The following BMPR2 variants were observed in gnomAD, a reference collection of about 807,000 sequenced individuals.
BMPR2 encodes bone morphogenetic protein receptor type 2, also known as bone morphogenetic protein receptor type-2.
BMPR2 carries 29 observed loss-of-function variants against 100.8 expected under a neutral mutation model. The ratio of observed to expected loss-of-function variants is 0.29; its 90% CI spans 0.21 to 0.39. The LOEUF is 0.39. Among genes scored for constraint, BMPR2 ranks in the 10% least tolerant of loss-of-function variants. The pLI is 1.00. For missense variants in BMPR2, 1,011 were observed against 1,274.5 expected (o/e 0.79, Z 3.15); for synonymous variants, 382 against 442.3 (o/e 0.86, Z 1.71).
At position 202,556,089 on chromosome 2, in the gene BMPR2, T is replaced by G; in HGVS notation, c.2424T>G (p.Gly808=). 6.2e-7 allele frequency: 1 copy of G among 1,614,164 alleles called. No individual in the cohort carries two copies. The highest frequency in any genetic ancestry group is 8.5e-7 in the Non-Finnish European group (1 of 1,180,046). ...ATGTGGTGACAGTCACCATGAATGG[T>G]GTGGCAGGTAGAAACCACAGTGTTA... The part of the protein sequence containing the change: ...EPHVVTVTMN[G]VAGRNHSVNS... Residue 808 remains glycine (G), a synonymous_variant, in exon 12 of 13, where the codon GGT becomes GGG. Transcript: ENST00000374580.
intron 3 of BMPR2, 108 bp downstream of exon 3, chr2:202,467,797 G>T: frequency 1.7e-6 from 2 of 1,144,946 alleles, no homozygotes; most frequent in East Asian, 2.5e-5. Context: ...GATGGCTCAT[G>T]CCTGTAATGC....
At chr2:202,504,446 C>T (rs1262133434) in intron 3 of BMPR2, among the ~76,000 whole-genome samples, 1 of 152,054 alleles carries the variant, frequency 6.6e-6, no homozygotes, top group Admixed American at 6.6e-5. Context: ...AGCTTCACTC[C>T]TGAGCCAGCG....
intron 7 of BMPR2, among the ~76,000 whole-genome samples, chr2:202,521,878 G>A (rs1687824564): frequency 6.6e-6 from 1 of 152,164 alleles, no homozygotes; most frequent in East Asian, 1.9e-4. Context: ...AACTTTGGCT[G>A]GCATGGTGAC....
chr2:202,491,022 C>T (rs937073849), intron 3 of BMPR2, among the ~76,000 whole-genome samples: 1 of 151,972 alleles, frequency 6.6e-6, no homozygotes, highest in African/African-American at 2.4e-5. Flanking sequence ...CCTCAGCTTC[C>T]CAGGTTCAAT....
intron 1 of BMPR2, among the ~76,000 whole-genome samples, chr2:202,426,381 A>G (rs7558089): frequency 0.5 from 76,326 of 151,202 alleles, 19,804 homozygotes; most frequent in African/African-American, 0.61. Context: ...AGGAGTTTGA[A>G]ACCAGCCTGG....
chr2:202,550,923 A>G (rs1688464770), intron 10 of BMPR2, among the ~76,000 whole-genome samples: 2 of 142,696 alleles, frequency 1.4e-5, no homozygotes, highest in Non-Finnish European at 3.0e-5. Flanking sequence ...GACTCCCTTT[A>G]ACATTTCTTG....
chr2:202,497,288 G>A (rs936076384), intron 3 of BMPR2, among the ~76,000 whole-genome samples: 2 of 152,208 alleles, frequency 1.3e-5, no homozygotes, highest in South Asian at 2.1e-4. Context: ...TGAGACAATC[G>A]CTGAGCGGTG....
At chr2:202,380,133 T>C (rs1286974882) in intron 1 of BMPR2, among the ~76,000 whole-genome samples, 1 of 151,598 alleles carries the variant, frequency 6.6e-6, no homozygotes, top group African/African-American at 2.4e-5. Flanking sequence ...CCCAAAGTGC[T>C]GGGATTACAG....
rs907380881 is a variant in BMPR2 at position 202,561,404 on chromosome 2, C to G, written c.*1458C>G. Reference sequence around the variant, plus strand: ...TTGAAATCATATTATTTTTAAAAGCCCTTTGCTTCTTTCATTACTTATAAT... The same window carrying G: ...TTGAAATCATATTATTTTTAAAAGCGCTTTGCTTCTTTCATTACTTATAAT... On this transcript the variant is annotated 3_prime_UTR_variant, in exon 13 of 13. Transcript: ENST00000374580. The G allele has an allele frequency of 2.0e-5, 3 of 151,812 alleles. No individual in the cohort carries two copies. The highest frequency in any genetic ancestry group is 7.3e-5 in the African/African-American group (3 of 41,342). 9.4% of individuals were successfully genotyped at this position (151,812 alleles called of 1,614,324 possible).
Position 202,554,625 on chromosome 2 carries a change from GT to G in BMPR2, c.1587-625del, listed in dbSNP as rs375805875. 1.1e-3 allele frequency among the ~76,000 whole-genome samples: 175 copies of G among 152,246 alleles called. 4 individuals are homozygous for G. The Middle Eastern group carries it at 0.014, about 12-fold the overall frequency. Reference sequence around the variant, plus strand: ...AAGAACCCATGATAATTGGAGAGCAGTTCTGAATCTTTGATCCTTTATTTGA... The same window carrying G: ...AAGAACCCATGATAATTGGAGAGCAGTCTGAATCTTTGATCCTTTATTTGA... On this transcript the variant is annotated intron_variant, in intron 11 of 12. Coordinates refer to ENST00000374580, the MANE Select transcript of BMPR2 (RefSeq NM_001204.7).
At chr2:202,382,185 G>A (rs554515455) in intron 1 of BMPR2, among the ~76,000 whole-genome samples, 1 of 148,706 alleles carries the variant, frequency 6.7e-6, no homozygotes, top group African/African-American at 2.5e-5. Flanking sequence ...TCAGCCTCCC[G>A]AGTAGCTGGG....
Position 202,467,542 on chromosome 2 carries a change from C to T in BMPR2, c.271C>T (p.Pro91Ser), listed in dbSNP as rs781346279. 1.9e-6 allele frequency: 3 copies of T among 1,562,638 alleles called. No individual in the cohort carries two copies. Among genetic ancestry groups the T allele is most frequent in the Non-Finnish European group, 1.8e-6 (2 of 1,133,328 alleles). ...KQGCWSHIGD[P>S]QECHYEECVV... The stretch of plus-strand genomic sequence containing the variant: ...AGGATGTTGGTCTCACATTGGAGAT[C>T]CCCAAGAGTGTCACTATGAAGAATG... Residue 91 changes from proline (P) to serine (S), a missense_variant, in exon 3 of 13, where the codon CCC becomes TCC. Physicochemically the swap from Pro to Ser is moderately conservative, Grantham distance 74. Around this residue, in one of 6 missense-constraint regions of BMPR2, gnomAD observed 355 missense variants for 455.3 expected, o/e 0.78. Coordinates refer to ENST00000374580, the MANE Select transcript of BMPR2 (RefSeq NM_001204.7).
At chr2:202,416,943 T>C (rs1305698172) in intron 1 of BMPR2, among the ~76,000 whole-genome samples, 1 of 151,114 alleles carries the variant, frequency 6.6e-6, no homozygotes, top group Admixed American at 6.6e-5. Flanking sequence ...TTCACACGAT[T>C]CTCCTGTCTC....
At chr2:202,413,923 C>T (rs747670497) in intron 1 of BMPR2, among the ~76,000 whole-genome samples, 8 of 152,136 alleles carry the variant, frequency 5.3e-5, no homozygotes, top group Non-Finnish European at 7.4e-5. Context: ...CTTAGCCTCC[C>T]AAAGTGCTGG....
intron 1 of BMPR2, among the ~76,000 whole-genome samples, chr2:202,426,804 C>T (rs1294048655): frequency 6.6e-6 from 1 of 152,064 alleles, no homozygotes; most frequent in African/African-American, 2.4e-5. Flanking sequence ...AGTGACTGAG[C>T]GTGGGAGTTT....
In BMPR2 at chr2:202,520,131, A is replaced by G; in HGVS notation, c.897A>G (p.Val299=). Residue 299 remains valine, a synonymous_variant, in exon 7 of 13, where the codon GTA becomes GTG. Coordinates refer to ENST00000374580, the MANE Select transcript of BMPR2 (RefSeq NM_001204.7). ...TAAGTCTCCACACAAGTGACTGGGT[A>G]AGCTCTTGCCGTCTTGCTCATTCTG... ...KYLSLHTSDW[V]SSCRLAHSVT... The G allele has an allele frequency of 6.2e-7, 1 of 1,613,358 alleles. No individual in the cohort carries two copies. The highest frequency in any genetic ancestry group is 8.5e-7 in the Non-Finnish European group (1 of 1,179,936).
chr2:202,381,191 T>A (rs1440075619), intron 1 of BMPR2, among the ~76,000 whole-genome samples: 2 of 152,006 alleles, frequency 1.3e-5, no homozygotes, highest in Non-Finnish European at 2.9e-5. Flanking sequence ...GCCAGGCTGA[T>A]CTCAAACTCC....
At chr2:202,417,018 A>G (rs770302265) in intron 1 of BMPR2, among the ~76,000 whole-genome samples, 1 of 149,220 alleles carries the variant, frequency 6.7e-6, no homozygotes, top group Admixed American at 6.7e-5. Context: ...TTGTGTTTTT[A>G]GTAGAGACGG....
intron 3 of BMPR2, among the ~76,000 whole-genome samples, chr2:202,476,525 A>C (rs895590012): frequency 6.6e-6 from 1 of 152,186 alleles, no homozygotes; most frequent in Non-Finnish European, 1.5e-5. Context: ...GCGGTGGCTC[A>C]TGCCTGTAAT....
Sources: allele counts gnomAD v4.1 joint callset (sites outside exome capture counted in the v4.1 genomes callset), GRCh38; gene constraint gnomAD v4.1.1; regional missense constraint gnomAD v4.1.1; transcripts MANE v1.5; gene names NCBI Gene and HGNC (gene_info 2026-07-23, HGNC 2026-07-21).